SNX25: variants seen among roughly 807,000 people sequenced by gnomAD.
SNX25 encodes the protein sorting nexin-25.
Under a neutral mutation model 113.7 loss-of-function variants are expected in SNX25, and 62 were observed. That is an observed-to-expected ratio of 0.55 (90% CI 0.44 to 0.67). SNX25 has a LOEUF of 0.67. Among genes scored for constraint, SNX25 ranks in the 30% least tolerant of loss-of-function variants. The pLI, the probability that SNX25 is intolerant of heterozygous loss-of-function variation, is 0.00. For synonymous variants in SNX25, 421 were observed against 436.2 expected (o/e 0.97, Z 0.43); for missense variants, 1,014 against 1,161.0 (o/e 0.87, Z 1.84).
At chr4:185,299,046 G>A (rs1753259959) in intron 6 of SNX25, among the ~76,000 whole-genome samples, 1 of 152,232 alleles carries the variant, frequency 6.6e-6, no homozygotes, top group South Asian at 2.1e-4. Flanking sequence ...AATGCAGTGA[G>A]AATTGTGTGT....
chr4:185,371,441 C>T (rs994980976), downstream of SNX25, among the ~76,000 whole-genome samples: 2 of 149,418 alleles, frequency 1.3e-5, no homozygotes, highest in African/African-American at 4.9e-5. Flanking sequence ...ACTCGGGAGG[C>T]TGAGGCAGGA....
At chr4:185,323,148 A>AGAAATG (rs1266453859) in intron 8 of SNX25, among the ~76,000 whole-genome samples, 2 of 152,188 alleles carry the variant, frequency 1.3e-5, no homozygotes, top group African/African-American at 4.8e-5. Flanking sequence ...TTCTGGGATG[A>AGAAATG]GAAATGGCAC....
intron 6 of SNX25, among the ~76,000 whole-genome samples, chr4:185,299,036 A>G (rs1278521332): frequency 6.6e-6 from 1 of 152,218 alleles, no homozygotes; most frequent in East Asian, 1.9e-4. Context: ...CAACTTGATA[A>G]ATGCAGTGAG....
intron 7 of SNX25, among the ~76,000 whole-genome samples, chr4:185,317,852 A>C (rs917137531): frequency 6.6e-6 from 1 of 152,172 alleles, no homozygotes; most frequent in African/African-American, 2.4e-5. Context: ...CTTAAAACCT[A>C]GATGACGGGT....
intron 6 of SNX25, among the ~76,000 whole-genome samples, chr4:185,304,660 AT>A (rs1018859217): frequency 3.2e-4 from 49 of 151,368 alleles, no homozygotes; most frequent in African/African-American, 1.1e-3. Context: ...CCGGGCCTAA[AT>A]TTTTTTTTAT....
intron 1 of SNX25, among the ~76,000 whole-genome samples, chr4:185,226,131 C>A (rs142924145): frequency 1.1e-3 from 167 of 152,280 alleles, no homozygotes; most frequent in African/African-American, 3.9e-3. Context: ...ATACAGCATT[C>A]CAGGCAGCCG....
chr4:185,362,969 A>T (rs1309920617), intron 18 of SNX25, among the ~76,000 whole-genome samples: 1 of 151,108 alleles, frequency 6.6e-6, no homozygotes, highest in East Asian at 1.9e-4. Context: ...CAGCCTCCCG[A>T]GTAGCTGGGA....
At chr4:185,240,208 T>C (rs1238351297) in intron 1 of SNX25, among the ~76,000 whole-genome samples, 9 of 152,094 alleles carry the variant, frequency 5.9e-5, no homozygotes, top group East Asian at 1.9e-4. Context: ...CTCAGTCTTT[T>C]CCCCACCTTT....
intron 1 of SNX25, among the ~76,000 whole-genome samples, chr4:185,239,445 T>A (rs543744911): frequency 1.4e-4 from 21 of 151,168 alleles, no homozygotes; most frequent in African/African-American, 3.7e-4. Context: ...ATCGCACCGC[T>A]GCACTCCAGC....
chr4:185,368,599 C>G (rs1467112729), downstream of SNX25, among the ~76,000 whole-genome samples: 1 of 152,164 alleles, frequency 6.6e-6, no homozygotes, highest in Non-Finnish European at 1.5e-5. Flanking sequence ...TGATATCATT[C>G]CAGACCCTTC....
At position 185,308,051 on chromosome 4, in the gene SNX25, G is replaced by T. The variant is rs576251121; in HGVS notation, c.1163-2584G>T. Among the ~76,000 whole-genome samples the T allele has an allele frequency of 8.5e-5, 13 of 152,260 alleles. No individual in the cohort carries two copies. The South Asian group carries it at 2.7e-3, about 32-fold the overall frequency. ...TGGCATTACAGGTGGGGGCCACCAC[G>T]CCGGGCCCACACCTCTCTTTACTTT... On this transcript the variant is annotated intron_variant, in intron 6 of 18. Transcript: ENST00000652585.
chr4:185,241,611 A>G (rs1374956895), intron 1 of SNX25, among the ~76,000 whole-genome samples: 2 of 141,818 alleles, frequency 1.4e-5, no homozygotes, highest in African/African-American at 2.7e-5. Flanking sequence ...TTTTTTTTTT[A>G]CAGGATAGCG....
At chr4:185,302,372 T>A (rs1046866267) in intron 6 of SNX25, among the ~76,000 whole-genome samples, 15 of 152,068 alleles carry the variant, frequency 9.9e-5, no homozygotes, top group African/African-American at 3.6e-4. Context: ...TTGCAACTAG[T>A]GTCTTGTAGG....
intron 6 of SNX25, among the ~76,000 whole-genome samples, chr4:185,288,945 C>G (rs980061116): frequency 6.6e-6 from 1 of 152,124 alleles, no homozygotes; most frequent in Admixed American, 6.5e-5. Flanking sequence ...GCTAAAAGAA[C>G]GGGGAAGAGT....
At chr4:185,293,278 T>A (rs572827320) in intron 6 of SNX25, among the ~76,000 whole-genome samples, 6 of 152,220 alleles carry the variant, frequency 3.9e-5, no homozygotes, top group Non-Finnish European at 8.8e-5. Flanking sequence ...GCATTTCTAC[T>A]CCTAGGTGTA....
At chr4:185,362,542 C>A in intron 17 of SNX25, 69 bp from the exon 18 acceptor site, 1 of 1,444,214 alleles carries the variant, frequency 6.9e-7, no homozygotes, top group Non-Finnish European at 9.6e-7. Flanking sequence ...TGTTGTATTC[C>A]TTTCACTGCA....
intron 2 of SNX25, 96 bp downstream of exon 2, chr4:185,247,474 C>T (rs1579461854): frequency 7.4e-6 from 7 of 949,232 alleles, no homozygotes; most frequent in South Asian, 5.7e-5. Flanking sequence ...TTCTTCTTGT[C>T]TGCATGTAGT....
At chr4:185,222,021 TC>T in intron 1 of SNX25, among the ~76,000 whole-genome samples, 1 of 143,920 alleles carries the variant, frequency 6.9e-6, no homozygotes, top group South Asian at 2.3e-4. Flanking sequence ...GCACCATATA[TC>T]CCTCGTTCAC....
chr4:185,227,199 T>G (rs1284033471), intron 1 of SNX25, among the ~76,000 whole-genome samples: 3 of 152,290 alleles, frequency 2.0e-5, no homozygotes, highest in African/African-American at 7.2e-5. Context: ...TTTGGGCAGG[T>G]GCCCGTTTGT....
Sources: allele counts gnomAD v4.1 joint callset (sites outside exome capture counted in the v4.1 genomes callset), GRCh38; gene constraint gnomAD v4.1.1; transcripts MANE v1.5; gene names NCBI Gene and HGNC (gene_info 2026-07-23, HGNC 2026-07-21).